Variants in ALS2 observed in about 807,000 individuals in gnomAD.
ALS2 encodes the protein alsin.
ALS2 carries 117 observed loss-of-function variants against 203.4 expected under a neutral mutation model. That is an observed-to-expected ratio of 0.58 (90% confidence interval 0.50 to 0.67). The LOEUF (loss-of-function observed/expected upper bound fraction) is 0.67, where lower values mean the gene tolerates loss of function less well. Among genes scored for constraint, ALS2 ranks in the 30% least tolerant of loss-of-function variants. The pLI is 0.00. For synonymous variants in ALS2, 718 were observed against 725.9 expected (o/e 0.99, Z 0.17); for missense variants, 1,715 against 1,989.4 (o/e 0.86, Z 2.62).
intron 21 of ALS2, among the ~76,000 whole-genome samples, chr2:201,723,756 C>A (rs934243979): frequency 1.3e-5 from 2 of 152,116 alleles, no homozygotes; most frequent in Non-Finnish European, 2.9e-5. Flanking sequence ...TAAATAATTT[C>A]ATTTAAAATG....
Position 201,700,913 on chromosome 2 carries a change from TC to T in ALS2, c.*937del, listed in dbSNP as rs1195237010. The T allele has an allele frequency of 6.6e-6, 1 of 152,272 alleles. No homozygotes were observed. Among genetic ancestry groups the T allele is most frequent in the African/African-American group, 2.4e-5 (1 of 41,456 alleles). The allele number at this position is 152,272 out of a possible 1,614,324, so 9.4% of individuals were successfully genotyped here. On this transcript the variant is annotated 3_prime_UTR_variant, in exon 34 of 34. Coordinates refer to ENST00000264276, the MANE Select transcript of ALS2 (RefSeq NM_020919.4). ...AAGCCAAAGCTTGTTTCCTTTTTCT[TC>T]CCATCCTGAGTTCAGTGTGAAGTAT...
At chr2:201,759,717 T>C (rs2106084907) in intron 4 of ALS2, 1 of 984,374 alleles carries the variant, frequency 1.0e-6, no homozygotes. Flanking sequence ...ATAAAGACTA[T>C]TTCTAAAAAT....
intron 23 of ALS2, among the ~76,000 whole-genome samples, chr2:201,720,539 C>CAAAAA (rs34418114): frequency 7.1e-4 from 47 of 66,476 alleles, no homozygotes; most frequent in East Asian, 1.2e-3. Flanking sequence ...TCTGTCTCTA[C>CAAAAA]AAAAAAAAAA....
chr2:201,723,471 C>G (rs749372566), intron 21 of ALS2, 30 bp from the exon 22 acceptor site: 4 of 1,556,142 alleles, frequency 2.6e-6, no homozygotes, highest in Non-Finnish European at 3.5e-6. Flanking sequence ...AAAGAAAAAG[C>G]ACTGAAGATA....
chr2:201,704,289 T>C, intron 32 of ALS2, 71 bp from the exon 33 acceptor site: 3 of 1,522,204 alleles, frequency 2.0e-6, no homozygotes, highest in South Asian at 1.1e-5. Context: ...ATCTAGTTGA[T>C]GGGAAAAAGA....
chr2:201,773,521 G>A (rs1694513786), intron 1 of ALS2, among the ~76,000 whole-genome samples: 1 of 152,170 alleles, frequency 6.6e-6, no homozygotes, highest in Non-Finnish European at 1.5e-5. Flanking sequence ...GAGTGAGGGA[G>A]ATACGATTCT....
intron 5 of ALS2, among the ~76,000 whole-genome samples, chr2:201,755,857 GAA>G (rs1417183987): frequency 1.3e-4 from 20 of 152,130 alleles, no homozygotes; most frequent in Non-Finnish European, 2.8e-4. Context: ...AAGATTTGAA[GAA>G]AATCATCAAA....
At chr2:201,778,626 C>T (rs1210091512) in intron 1 of ALS2, 1 of 152,138 alleles carries the variant, frequency 6.6e-6, no homozygotes, top group African/African-American at 2.4e-5. Flanking sequence ...GACTGACACC[C>T]TACAAAACCG....
At chr2:201,751,328 A>G (rs536037273) in intron 7 of ALS2, among the ~76,000 whole-genome samples, 1 of 152,174 alleles carries the variant, frequency 6.6e-6, no homozygotes, top group South Asian at 2.1e-4. Flanking sequence ...CTGCACGCAC[A>G]TTTTCTCCTA....
intron 1 of ALS2, among the ~76,000 whole-genome samples, chr2:201,772,808 G>A (rs1306111780): frequency 6.8e-6 from 1 of 147,754 alleles, no homozygotes; most frequent in Admixed American, 6.7e-5. Flanking sequence ...ACACTGGGGA[G>A]TTGCATTGCT....
At position 201,723,055 on chromosome 2, in the gene ALS2, A is replaced by T; in HGVS notation, c.3690T>A (p.Thr1230=). Residue 1230 remains threonine (T), a synonymous_variant, in exon 23 of 34, where the codon ACT becomes ACA. Coordinates refer to ENST00000264276, the MANE Select transcript of ALS2 (RefSeq NM_020919.4). ...GCTAGTTTCCAACCTTTCCACTAAGAGTCCAGTCATCTGAAAATTCTCCTT... is the reference window on the plus strand; with the variant it reads ...GCTAGTTTCCAACCTTTCCACTAAGTGTCCAGTCATCTGAAAATTCTCCTT... ...IYEGEFSDDW[T]LSGKGTLTMP... is the part of the protein sequence containing the mutation. 6.2e-7 allele frequency: 1 copy of T among 1,610,838 alleles called. No homozygotes were observed. The highest frequency in any genetic ancestry group is 8.5e-7 in the Non-Finnish European group (1 of 1,177,944).
intron 23 of ALS2, chr2:201,719,850 A>G (rs185603360): frequency 3.0e-4 from 56 of 183,840 alleles, no homozygotes; most frequent in African/African-American, 1.3e-3. Flanking sequence ...TTATGCCAAC[A>G]AAGTAGATAA....
intron 1 of ALS2, among the ~76,000 whole-genome samples, chr2:201,771,962 T>C (rs1416733017): frequency 9.9e-5 from 15 of 152,224 alleles, no homozygotes; most frequent in Admixed American, 9.8e-4. Context: ...TTACCTTGCA[T>C]GGCCTCTCCA....
Position 201,727,714 on chromosome 2 carries a change from G to C in ALS2, c.2903C>G (p.Ala968Gly), listed in dbSNP as rs1428155770. The C allele has an allele frequency of 1.9e-6, 3 of 1,551,686 alleles. No individual in the cohort carries two copies. The highest frequency in any genetic ancestry group is 1.7e-6 in the Non-Finnish European group (2 of 1,146,984). ...TLWAEPLSEE[A>G]GGVNGLKITT... ...GGGGGGACGCACTTACACACCACCAGCTTCTTCAGACAGTGGCTCTGCCCA... is the reference window on the plus strand; with the variant it reads ...GGGGGGACGCACTTACACACCACCACCTTCTTCAGACAGTGGCTCTGCCCA... Residue 968 changes from alanine (A) to glycine (G), a missense_variant, in exon 16 of 34, where the codon GCT (alanine) becomes GGT (glycine). Ala to Gly is a moderately conservative substitution (Grantham distance 60). This residue lies in a region of ALS2 where 1,227 missense variants were observed against 1,413.5 expected (regional missense o/e 0.87). Transcript: ENST00000264276.
intron 9 of ALS2, 26 bp from the exon 10 acceptor site, chr2:201,744,455 TA>T (rs1692494520): frequency 6.2e-7 from 1 of 1,604,782 alleles, no homozygotes; most frequent in African/African-American, 1.3e-5. Flanking sequence ...ACAAAAGGAT[TA>T]AATATAACAT....
chr2:201,761,579 T>C lies in ALS2; in HGVS notation c.415A>G (p.Ile139Val). The stretch of plus-strand genomic sequence containing the variant: ...AAAGGGCTGGCCTCAGAATCAGCAA[T>C]GCTGACAGGATTTGGTTCCGGCACA... ...QYVPEPNPVS[I>V]ADSEASPLLA... Residue 139 changes from isoleucine to valine, a missense_variant, in exon 4 of 34, where the codon ATT becomes GTT. Physicochemically the swap from Ile to Val is conservative, Grantham distance 29. Transcript: ENST00000264276. 2.5e-6 allele frequency: 4 copies of C among 1,614,220 alleles called. No homozygotes were observed. Among genetic ancestry groups the C allele is most frequent in the Non-Finnish European group, 3.4e-6 (4 of 1,180,034 alleles).
At chr2:201,746,464 G>T in intron 9 of ALS2, 102 bp downstream of exon 9, 2 of 1,359,614 alleles carry the variant, frequency 1.5e-6, no homozygotes, top group African/African-American at 1.4e-5. Context: ...AAGGTAGTTA[G>T]AGATGCTTAC....
At chr2:201,723,249 T>G (rs997889767) in intron 22 of ALS2, 81 bp downstream of exon 22, 9 of 1,417,972 alleles carry the variant, frequency 6.3e-6, no homozygotes, top group Non-Finnish European at 7.0e-6. Context: ...AGGTGGAAAC[T>G]AATCAAAAGA....
In ALS2 at chr2:201,757,714, T is replaced by A; in HGVS notation, c.1159A>T (p.Thr387Ser). Reference sequence around the variant, plus strand: ...AGGCTGTTTAGGGCTGAGGTGCTTGTGGTAGGCGGGCTGTGGAGATTAGGA... The same window carrying A: ...AGGCTGTTTAGGGCTGAGGTGCTTGAGGTAGGCGGGCTGTGGAGATTAGGA... The part of the protein sequence containing the change: ...AIPNLHSPPT[T>S]STSALNSLVV... Residue 387 changes from threonine to serine, a missense_variant, in exon 5 of 34, where the codon ACA (threonine) becomes TCA (serine). Thr to Ser is a moderately conservative substitution (Grantham distance 58). Coordinates refer to ENST00000264276, the MANE Select transcript of ALS2 (RefSeq NM_020919.4). The A allele has an allele frequency of 6.2e-7, 1 of 1,613,378 alleles. No individual in the cohort carries two copies. Among genetic ancestry groups the A allele is most frequent in the East Asian group, 2.2e-5 (1 of 44,884 alleles).
Sources: allele counts gnomAD v4.1 joint callset (sites outside exome capture counted in the v4.1 genomes callset), GRCh38; gene constraint gnomAD v4.1.1; regional missense constraint gnomAD v4.1.1; transcripts MANE v1.5; gene names NCBI Gene and HGNC (gene_info 2026-07-23, HGNC 2026-07-21).